The following LRP8 variants were observed in gnomAD, a reference collection of about 807,000 sequenced individuals.
LRP8 encodes the protein LDL receptor related protein 8, also known as low-density lipoprotein receptor-related protein 8.
LRP8 carries 46 observed loss-of-function variants against 111.6 expected under a neutral mutation model. The ratio of observed to expected loss-of-function variants is 0.41; its 90% CI spans 0.33 to 0.53. The LOEUF (loss-of-function observed/expected upper bound fraction) is 0.53. Among genes scored for constraint, LRP8 ranks in the 20% least tolerant of loss-of-function variants. The pLI is 0.20. For missense variants in LRP8, 959 were observed against 1,297.4 expected (o/e 0.74, Z 4.01); for synonymous variants, 464 against 511.2 (o/e 0.91, Z 1.24).
chr1:53,269,348 C>A (rs1646687248), intron 8 of LRP8, among the ~76,000 whole-genome samples: 1 of 151,876 alleles, frequency 6.6e-6, no homozygotes, highest in African/African-American at 2.4e-5. Context: ...AAAGGTCTCA[C>A]TCTGTCACCC....
At position 53,244,414 on chromosome 1, in the gene LRP8, G is replaced by A. The variant is rs1379391025; in HGVS notation, c.*2604C>T. ...TAGATAGCTATGCACGGGGGCAAAA[G>A]GCAAAAGATATGTAACTGTACCTCA... On this transcript the variant is annotated 3_prime_UTR_variant, in exon 19 of 19. Coordinates refer to ENST00000306052, the MANE Select transcript of LRP8 (RefSeq NM_004631.5). 1 of 152,254 alleles carries A rather than the reference G, an allele frequency of 6.6e-6. No individual in the cohort carries two copies. Among genetic ancestry groups the A allele is most frequent in the African/African-American group, 2.4e-5 (1 of 41,466 alleles). 9.4% of individuals were successfully genotyped at this position (152,254 alleles called of 1,614,324 possible).
chr1:53,275,860 C>CA lies in LRP8; in HGVS notation c.884-108dup. On this transcript the variant is annotated intron_variant, in intron 5 of 18. Coordinates refer to ENST00000306052, the MANE Select transcript of LRP8 (RefSeq NM_004631.5). This position sits in a 1 kb window ranked among gnomAD's most constrained non-coding sequence, Gnocchi z 4.4. Reference sequence around the variant, plus strand: ...TAGCCACCCCCAGCAAAAACAGAACCAGTGGCTGAACTCAGGAGTCCTCAA... The same window carrying CA: ...TAGCCACCCCCAGCAAAAACAGAACCAAGTGGCTGAACTCAGGAGTCCTCAA... 1 of 1,417,502 alleles carries CA rather than the reference C, an allele frequency of 7.1e-7. No homozygotes were observed. Among genetic ancestry groups the CA allele is most frequent in the Non-Finnish European group, 9.5e-7 (1 of 1,049,878 alleles). 87.8% of individuals were successfully genotyped at this position (1,417,502 alleles called of 1,614,324 possible).
At chr1:53,304,491 G>C (rs972154531) in intron 2 of LRP8, 1 of 152,330 alleles carries the variant, frequency 6.6e-6, no homozygotes, top group Non-Finnish European at 1.5e-5. Context: ...CCATGTTCTG[G>C]GAAGGCCAAG....
chr1:53,260,717 ATCTG>A, intron 12 of LRP8, 112 bp from the exon 13 acceptor site: 1 of 1,076,936 alleles, frequency 9.3e-7, no homozygotes, highest in Admixed American at 2.0e-5. Flanking sequence ...ATCTCCCCTG[ATCTG>A]TCCTGTCTAT....
At chr1:53,273,072 G>A (rs1646810357) in intron 6 of LRP8, among the ~76,000 whole-genome samples, 2 of 152,234 alleles carry the variant, frequency 1.3e-5, no homozygotes, top group Admixed American at 6.5e-5. Flanking sequence ...GGAAGAGAAA[G>A]GAGAGCAGGT....
Position 53,262,497 on chromosome 1 carries a change from G to A in LRP8, c.1723C>T (p.Arg575Trp), listed in dbSNP as rs1371077245. Residue 575 changes from arginine (R) to tryptophan (W), a missense_variant, in exon 11 of 19, where the codon CGG (arginine) becomes TGG (tryptophan). Around this residue, in one of 3 missense-constraint regions of LRP8, gnomAD observed 819 missense variants for 1,097.6 expected, o/e 0.75. Coordinates refer to ENST00000306052, the MANE Select transcript of LRP8 (RefSeq NM_004631.5). The surrounding 1 kb of genome is among the most constrained non-coding windows in gnomAD (Gnocchi z 4.8). ...ATATTGTCTGACACCAGTGTTTGCC[G>A]GTCCACACCGTTGAGCCCAGATTTC... ...IEKSGLNGVD[R>W]QTLVSDNIEW... is the part of the protein sequence containing the mutation. The A allele has an allele frequency of 3.1e-6, 5 of 1,614,016 alleles. No homozygotes were observed. The highest frequency in any genetic ancestry group is 4.2e-6 in the Non-Finnish European group (5 of 1,180,034).
chr1:53,256,805 C>G (rs1395176896), intron 15 of LRP8, among the ~76,000 whole-genome samples: 8 of 152,208 alleles, frequency 5.3e-5, no homozygotes, highest in Non-Finnish European at 1.2e-4. Flanking sequence ...CTGCTGTGAA[C>G]TGAGATCAGA....
intron 2 of LRP8, among the ~76,000 whole-genome samples, chr1:53,307,062 C>G (rs1652099774): frequency 2.0e-5 from 3 of 152,270 alleles, no homozygotes; most frequent in African/African-American, 7.2e-5. Flanking sequence ...GAATCCTGAC[C>G]TTGCCCCCTG....
At chr1:53,282,300 T>C (rs1647140242) in intron 3 of LRP8, among the ~76,000 whole-genome samples, 1 of 152,226 alleles carries the variant, frequency 6.6e-6, no homozygotes, top group Non-Finnish European at 1.5e-5. Context: ...CCCTTGGGAA[T>C]ACAGGATTCC....
chr1:53,304,251 C>G (rs1651531165), intron 2 of LRP8, among the ~76,000 whole-genome samples: 1 of 152,168 alleles, frequency 6.6e-6, no homozygotes. Flanking sequence ...CTGGATTAGA[C>G]TGTTTGTTTG....
chr1:53,270,577 A>G (rs34468252), intron 8 of LRP8, among the ~76,000 whole-genome samples: 47,589 of 152,096 alleles, frequency 0.31, 8,914 homozygotes, highest in East Asian at 0.43. Context: ...GCAGGGACTT[A>G]AAGCAGGAAT....
chr1:53,326,785 G>T, intron 2 of LRP8, 88 bp downstream of exon 2: 1 of 1,508,968 alleles, frequency 6.6e-7, no homozygotes. Context: ...TGGCAGCGCG[G>T]CGGCTGCAGC....
rs1483928697 is a variant in LRP8 at position 53,294,005 on chromosome 1, C to CAG, written c.245-4318_245-4317dup. ...ATAGTCCCTCGTGAAGAGACCATAT[C>CAG]AGCCCTGCCATGAGATGAGGGCTGT... On this transcript the variant is annotated intron_variant, in intron 2 of 18. Transcript: ENST00000306052. This position sits in a 1 kb window ranked among gnomAD's most constrained non-coding sequence, Gnocchi z 4.1. Among the ~76,000 whole-genome samples, 1 of 152,212 alleles carries CAG rather than the reference C, an allele frequency of 6.6e-6. No homozygotes were observed. Among genetic ancestry groups the CAG allele is most frequent in the African/African-American group, 2.4e-5 (1 of 41,450 alleles).
At chr1:53,292,487 C>T (rs1648968076) in intron 2 of LRP8, among the ~76,000 whole-genome samples, 1 of 152,172 alleles carries the variant, frequency 6.6e-6, no homozygotes, top group African/African-American at 2.4e-5. Context: ...ATGCGAATAC[C>T]ACCTATTGGT....
chr1:53,309,489 C>T (rs1324943655), intron 2 of LRP8, among the ~76,000 whole-genome samples: 1 of 152,192 alleles, frequency 6.6e-6, no homozygotes, highest in East Asian at 1.9e-4. Context: ...ATCCAGCCCA[C>T]ATGCTGTGTG....
At chr1:53,309,891 C>CTGAGAAGAACCAACTT (rs1553194194) in intron 2 of LRP8, among the ~76,000 whole-genome samples, 1 of 152,132 alleles carries the variant, frequency 6.6e-6, no homozygotes, top group Non-Finnish European at 1.5e-5. Context: ...GAGGATGCTT[C>CTGAGAAGAACCAACTT]TGAGCAGAAC....
intron 2 of LRP8, among the ~76,000 whole-genome samples, chr1:53,320,554 T>G (rs937631885): frequency 2.0e-5 from 3 of 152,138 alleles, no homozygotes; most frequent in Non-Finnish European, 4.4e-5. Flanking sequence ...CTCCCTGAGG[T>G]CATGTGCATC....
chr1:53,317,068 C>A lies in LRP8; in HGVS notation c.244+9805G>T, dbSNP rs1219949977. 1.3e-5 allele frequency among the ~76,000 whole-genome samples: 2 copies of A among 152,148 alleles called. No homozygotes were observed. The highest frequency in any genetic ancestry group is 2.4e-5 in the African/African-American group (1 of 41,414). Reference sequence around the variant, plus strand: ...CACAGCCCCTCCTCTGAAGCACACACCCCAAGCACACGCACATGTGCCCAT... The same window carrying A: ...CACAGCCCCTCCTCTGAAGCACACAACCCAAGCACACGCACATGTGCCCAT... On this transcript the variant is annotated intron_variant, in intron 2 of 18. Coordinates refer to ENST00000306052, the MANE Select transcript of LRP8 (RefSeq NM_004631.5). This position sits in a 1 kb window ranked among gnomAD's most constrained non-coding sequence, Gnocchi z 4.9.
At chr1:53,273,853 A>G (rs1014548199) in intron 6 of LRP8, among the ~76,000 whole-genome samples, 2 of 152,178 alleles carry the variant, frequency 1.3e-5, no homozygotes, top group African/African-American at 4.8e-5. Flanking sequence ...CCCAGGAGGT[A>G]GGTGCTGGGG....
Sources: allele counts gnomAD v4.1 joint callset (sites outside exome capture counted in the v4.1 genomes callset), GRCh38; gene constraint gnomAD v4.1.1; regional missense constraint gnomAD v4.1.1; non-coding constraint Gnocchi (gnomAD v3.1); transcripts MANE v1.5; gene names NCBI Gene and HGNC (gene_info 2026-07-23, HGNC 2026-07-21).